AGBL1: variants seen among roughly 807,000 people sequenced by gnomAD.
AGBL1 encodes the protein AGBL carboxypeptidase 1.
AGBL1 carries 130 observed loss-of-function variants against 118.9 expected under a neutral mutation model. The observed-to-expected ratio is 1.09, with a 90% CI of 0.95 to 1.26. AGBL1 has a LOEUF of 1.26. Among genes scored for constraint, AGBL1 ranks in the 50% most tolerant of loss-of-function variants. The pLI is 0.00. For missense variants in AGBL1, 1,584 were observed against 1,298.1 expected (o/e 1.22, Z -3.38); for synonymous variants, 555 against 478.9 (o/e 1.16, Z -2.08).
Position 86,171,128 on chromosome 15 carries a change from G to A in AGBL1, c.488+12102G>A, listed in dbSNP as rs557455408. On this transcript the variant is annotated intron_variant, in intron 5 of 22. Coordinates refer to ENST00000614907, the MANE Select transcript of AGBL1 (RefSeq NM_001386094.1). ...GACATCATCAACAGCAGACTCTCAC[G>A]CCAAGAAATATTAAAAGAAAACTTT... Among the ~76,000 whole-genome samples, 12 of 152,182 alleles carry A rather than the reference G, an allele frequency of 7.9e-5. 1 individual carries two copies. The South Asian group carries it at 2.3e-3, about 29-fold the overall frequency.
At chr15:86,977,577 T>A (rs1164549082) in intron 23 of AGBL1, among the ~76,000 whole-genome samples, 1 of 151,990 alleles carries the variant, frequency 6.6e-6, no homozygotes, top group Non-Finnish European at 1.5e-5. Context: ...AGTTTATTCC[T>A]AAGCATTACA....
intron 9 of AGBL1, among the ~76,000 whole-genome samples, chr15:86,260,388 G>T (rs368826039): frequency 6.6e-6 from 1 of 152,158 alleles, no homozygotes; most frequent in Non-Finnish European, 1.5e-5. Context: ...GGAAAGTAGG[G>T]TGCCATGATT....
At chr15:86,748,197 T>A (rs899634258) in intron 22 of AGBL1, among the ~76,000 whole-genome samples, 1 of 152,180 alleles carries the variant, frequency 6.6e-6, no homozygotes. Flanking sequence ...GGTATCTCAT[T>A]GTGATTTTGA....
At chr15:86,480,190 C>T (rs570017455) in intron 18 of AGBL1, among the ~76,000 whole-genome samples, 6 of 152,154 alleles carry the variant, frequency 3.9e-5, no homozygotes, top group East Asian at 1.9e-4. Flanking sequence ...CAAACCTGCA[C>T]GTTGTGCACA....
In AGBL1 at chr15:86,784,626, G is replaced by C. The variant is rs72750020; in HGVS notation, c.3158+110190G>C. 9.0e-3 allele frequency among the ~76,000 whole-genome samples: 1,368 copies of C among 152,246 alleles called. 15 individuals carry two copies. Among genetic ancestry groups the C allele is most frequent in the Admixed American group, 0.017 (262 of 15,292 alleles). The stretch of plus-strand genomic sequence containing the variant: ...TTGATTCAGGCTGACCCTATTGCTT[G>C]ATAAAGCTTACTTTTCTTATACAGT... On this transcript the variant is annotated intron_variant, in intron 22 of 22. Coordinates refer to ENST00000614907, the MANE Select transcript of AGBL1 (RefSeq NM_001386094.1).
At position 86,574,807 on chromosome 15, in the gene AGBL1, A is replaced by G. The variant is rs554421553; in HGVS notation, c.2994+20270A>G. 1.9e-4 allele frequency among the ~76,000 whole-genome samples: 28 copies of G among 150,234 alleles called. No individual in the cohort carries two copies. The South Asian group carries it at 5.9e-3, about 32-fold the overall frequency. On this transcript the variant is annotated intron_variant, in intron 21 of 22. Transcript: ENST00000614907. The stretch of plus-strand genomic sequence containing the variant: ...TGGCCAGGCTGGTCTCGAACTCCTG[A>G]CCTCAAGTGACCTACCGTCCTTGGC...
At chr15:86,827,502 T>TAC (rs377536870) in intron 22 of AGBL1, among the ~76,000 whole-genome samples, 1 of 49,432 alleles carries the variant, frequency 2.0e-5, no homozygotes, top group African/African-American at 6.9e-5. Context: ...TATATATATA[T>TAC]ATATATATAT....
chr15:86,286,550 G>A (rs1427986042), intron 16 of AGBL1, among the ~76,000 whole-genome samples: 2 of 151,742 alleles, frequency 1.3e-5, no homozygotes, highest in Non-Finnish European at 2.9e-5. Flanking sequence ...TCATGTATAA[G>A]TGAGATCAGG....
At chr15:86,520,519 G>A (rs892158665) in intron 18 of AGBL1, among the ~76,000 whole-genome samples, 3 of 152,212 alleles carry the variant, frequency 2.0e-5, no homozygotes, top group African/African-American at 7.2e-5. Flanking sequence ...TAGTATTTCT[G>A]CAAAGTGGTA....
At chr15:86,224,158 C>T (rs1228202571) in intron 5 of AGBL1, among the ~76,000 whole-genome samples, 1 of 152,102 alleles carries the variant, frequency 6.6e-6, no homozygotes, top group Non-Finnish European at 1.5e-5. Flanking sequence ...AAAAAGCAAA[C>T]ACAACTCTCC....
intron 5 of AGBL1, among the ~76,000 whole-genome samples, chr15:86,220,679 C>T (rs969714901): frequency 5.3e-5 from 8 of 152,254 alleles, no homozygotes; most frequent in East Asian, 1.9e-4. Context: ...AGGATGTGGG[C>T]GGTTCCACTT....
chr15:86,155,506 G>A (rs1771581713), intron 4 of AGBL1, among the ~76,000 whole-genome samples: 1 of 152,110 alleles, frequency 6.6e-6, no homozygotes, highest in South Asian at 2.1e-4. Flanking sequence ...AAAGTCAGGA[G>A]GGTGGAATTT....
intron 22 of AGBL1, among the ~76,000 whole-genome samples, chr15:86,722,863 C>A (rs2086749691): frequency 6.6e-6 from 1 of 152,102 alleles, no homozygotes; most frequent in African/African-American, 2.4e-5. Flanking sequence ...AGACACTTCT[C>A]AAAAGAAGAC....
intron 18 of AGBL1, among the ~76,000 whole-genome samples, chr15:86,494,509 T>C (rs1196940801): frequency 1.3e-5 from 2 of 152,092 alleles, no homozygotes; most frequent in East Asian, 1.9e-4. Context: ...ATGGTGTGCT[T>C]AGAGTGTTGA....
At chr15:86,644,007 C>G (rs904331038) in intron 21 of AGBL1, among the ~76,000 whole-genome samples, 1 of 151,958 alleles carries the variant, frequency 6.6e-6, no homozygotes, top group African/African-American at 2.4e-5. Flanking sequence ...AGTTTTGTGT[C>G]TCAGTAAACA....
chr15:86,570,929 G>T (rs1056592389), intron 21 of AGBL1, among the ~76,000 whole-genome samples: 2 of 152,182 alleles, frequency 1.3e-5, no homozygotes, highest in Admixed American at 1.3e-4. Flanking sequence ...CAAGCATGGA[G>T]CAGTGAGGGG....
rs1049177075 is a variant in AGBL1 at position 86,617,766 on chromosome 15, A to G, written c.2995-56507A>G. ...GTGTGATTCAACTTTATGCGCACAC[A>G]CACACACACACACACACACACACAC... On this transcript the variant is annotated intron_variant, in intron 21 of 22. Transcript: ENST00000614907. Among the ~76,000 whole-genome samples the G allele has an allele frequency of 2.9e-3, 276 of 94,408 alleles. 1 individual carries two copies. Among genetic ancestry groups the G allele is most frequent in the African/African-American group, 6.7e-3 (177 of 26,600 alleles). The allele number at this position is 94,408 out of a possible 152,430, so 61.9% of individuals were successfully genotyped here. A position where few individuals can be genotyped will look rare whatever the true frequency, so the allele number is the denominator to read the frequency against.
At chr15:86,295,140 G>A in intron 16 of AGBL1, 115 bp from the exon 17 acceptor site, 1 of 1,280,224 alleles carries the variant, frequency 7.8e-7, no homozygotes, top group Non-Finnish European at 1.1e-6. Flanking sequence ...ATACATAAAG[G>A]ACAGATTAGA....
chr15:86,303,885 T>C (rs750520498), intron 17 of AGBL1, among the ~76,000 whole-genome samples: 1 of 152,156 alleles, frequency 6.6e-6, no homozygotes, highest in Non-Finnish European at 1.5e-5. Context: ...AAGAAAGAAT[T>C]GGATGTATTA....
Sources: allele counts gnomAD v4.1 joint callset (sites outside exome capture counted in the v4.1 genomes callset), GRCh38; gene constraint gnomAD v4.1.1; transcripts MANE v1.5; gene names NCBI Gene and HGNC (gene_info 2026-07-23, HGNC 2026-07-21).